SLCO6A1: variants seen among roughly 807,000 people sequenced by gnomAD.
The protein encoded by SLCO6A1 is cancer/testis antigen 48.
A neutral mutation model predicts 72.7 loss-of-function variants in SLCO6A1; 65 were observed. The observed-to-expected ratio is 0.89, with a 90% CI of 0.73 to 1.10. The LOEUF is 1.10. Among genes scored for constraint, SLCO6A1 ranks in the 50% least tolerant of loss-of-function variants. SLCO6A1 has a pLI of 0.00. For missense variants in SLCO6A1, 874 were observed against 872.6 expected, an observed-to-expected ratio of 1.00 and a Z score of -0.02; for synonymous variants, 314 against 298.2, an observed-to-expected ratio of 1.05 and a Z score of -0.55.
At chr5:102,456,785 T>G (rs976688929) in intron 6 of SLCO6A1, among the ~76,000 whole-genome samples, 2 of 151,808 alleles carry the variant, frequency 1.3e-5, no homozygotes, top group Non-Finnish European at 1.5e-5. Flanking sequence ...AAAAGAGCCC[T>G]CATTGCCAAG....
chr5:102,420,006 G>A lies in SLCO6A1; in HGVS notation c.1292C>T (p.Pro431Leu). ...ATTLAGLVLI[P>L]GGALGQLLGG... is the part of the protein sequence containing the mutation. Reference sequence around the variant, plus strand: ...CAGAAGCTGGCCAAGTGCACCTCCTGGAATTAAAACAAGTCCTAAAAAAAA... The same window carrying A: ...CAGAAGCTGGCCAAGTGCACCTCCTAGAATTAAAACAAGTCCTAAAAAAAA... Residue 431 changes from proline (P) to leucine (L), a missense_variant, in exon 8 of 14, where the codon CCA becomes CTA. Pro to Leu is a moderately conservative substitution (Grantham distance 98). Coordinates refer to ENST00000506729, the MANE Select transcript of SLCO6A1 (RefSeq NM_173488.5). The A allele has an allele frequency of 6.4e-7, 1 of 1,568,226 alleles. No individual in the cohort carries two copies. The highest frequency in any genetic ancestry group is 2.3e-5 in the East Asian group (1 of 43,554).
chr5:102,454,823 C>T (rs1235217295), intron 6 of SLCO6A1, among the ~76,000 whole-genome samples: 1 of 151,062 alleles, frequency 6.6e-6, no homozygotes, highest in African/African-American at 2.4e-5. Flanking sequence ...AATATATGTA[C>T]ATGTAATATT....
At chr5:102,491,662 G>A (rs1487112672) in intron 1 of SLCO6A1, among the ~76,000 whole-genome samples, 1 of 152,234 alleles carries the variant, frequency 6.6e-6, no homozygotes. Context: ...CTGAGCTCAC[G>A]CCCACCCAGA....
rs547463953 is a variant in SLCO6A1, at chr5:102,421,073, G to A, written c.1277-1052C>T. 5.6e-3 allele frequency among the ~76,000 whole-genome samples: 845 copies of A among 152,190 alleles called. 1 individual carries two copies. The highest frequency in any genetic ancestry group is 8.9e-3 in the Non-Finnish European group (604 of 68,002). Reference sequence around the variant, plus strand: ...TGTGAGGGACTGTGCCATGAGGGACGGTGCTATCCGGCCCAGATACTATGC... The same window carrying A: ...TGTGAGGGACTGTGCCATGAGGGACAGTGCTATCCGGCCCAGATACTATGC... On this transcript the variant is annotated intron_variant, in intron 7 of 13. Coordinates refer to ENST00000506729, the MANE Select transcript of SLCO6A1 (RefSeq NM_173488.5).
Position 102,498,651 on chromosome 5 carries a change from C to T in SLCO6A1, c.194G>A (p.Arg65Gln), listed in dbSNP as rs1267598371. The T allele has an allele frequency of 1.2e-6, 2 of 1,614,164 alleles. No homozygotes were observed. Among genetic ancestry groups the T allele is most frequent in the South Asian group, 2.2e-5 (2 of 91,086 alleles). ...TGAGGACTTGGCTTTTTTCCTTTTT[C>T]GGAAACCGCCGAACCTTATCAAGGC... Reference protein sequence around the residue: ...PEALIRFGGFRKRKKAKSSVS... With the variant: ...PEALIRFGGFQKRKKAKSSVS... Residue 65 changes from arginine (R) to glutamine (Q), a missense_variant, in exon 1 of 14, where the codon CGA becomes CAA. Physicochemically the swap from Arg to Gln is conservative, Grantham distance 43 (BLOSUM62 1). Transcript: ENST00000506729.
intron 10 of SLCO6A1, among the ~76,000 whole-genome samples, chr5:102,394,049 G>C (rs150600650): frequency 6.6e-6 from 1 of 152,136 alleles, no homozygotes; most frequent in Non-Finnish European, 1.5e-5. Flanking sequence ...AGCATCTAGC[G>C]TGCATCAAGA....
In SLCO6A1 at chr5:102,399,654, T is replaced by C; in HGVS notation, c.1715A>G (p.Asp572Gly). 2 of 1,610,206 alleles carry C rather than the reference T, an allele frequency of 1.2e-6. No individual in the cohort carries two copies. The highest frequency in any genetic ancestry group is 1.7e-6 in the Non-Finnish European group (2 of 1,177,370). ...DFIDARPGKC[D>G]AKCYKLPLFI... is the part of the protein sequence containing the mutation. ...CAAAGGTAACTTATAGCACTTTGCA[T>C]CACATTTCCCGGGTCTGGCATCAAT... Residue 572 changes from aspartate to glycine, a missense_variant, in exon 10 of 14, where the codon GAT becomes GGT. Coordinates refer to ENST00000506729, the MANE Select transcript of SLCO6A1 (RefSeq NM_173488.5).
intron 4 of SLCO6A1, among the ~76,000 whole-genome samples, chr5:102,467,620 A>C (rs534184484): frequency 3.3e-4 from 50 of 152,200 alleles, no homozygotes; most frequent in African/African-American, 1.2e-3. Flanking sequence ...GTAGGGACAC[A>C]GCCAAACCGT....
intron 10 of SLCO6A1, 84 bp from the exon 11 acceptor site, chr5:102,391,129 T>C (rs1746734514): frequency 7.4e-7 from 1 of 1,348,640 alleles, no homozygotes; most frequent in African/African-American, 1.5e-5. Context: ...CTAATCATTT[T>C]TTTTTTCTGG....
intron 11 of SLCO6A1, among the ~76,000 whole-genome samples, chr5:102,389,340 GAC>G (rs1283214726): frequency 6.6e-6 from 1 of 151,726 alleles, no homozygotes; most frequent in African/African-American, 2.4e-5. Context: ...AGATCCAGAG[GAC>G]CAGCTGTGCT....
chr5:102,411,811 T>C (rs1169343360), intron 9 of SLCO6A1, among the ~76,000 whole-genome samples: 1 of 152,184 alleles, frequency 6.6e-6, no homozygotes, highest in Non-Finnish European at 1.5e-5. Flanking sequence ...GAAATGGCCC[T>C]GCAAAGCAGT....
In SLCO6A1 at chr5:102,436,578, T is replaced by C. The variant is rs543726460; in HGVS notation, c.1276+2039A>G. Among the ~76,000 whole-genome samples, 10 of 152,278 alleles carry C rather than the reference T, an allele frequency of 6.6e-5. 1 individual carries two copies. Among genetic ancestry groups the C allele is most frequent in the Admixed American group, 6.5e-4 (10 of 15,290 alleles). ...AGGGAGTGTAATTCGCAAACCTACA[T>C]TGAAGCTGATAAGCAAGCTGTGGCA... is the stretch of plus-strand genomic sequence containing the variant. On this transcript the variant is annotated intron_variant, in intron 7 of 13. Transcript: ENST00000506729.
chr5:102,395,747 A>G (rs1221679911), intron 10 of SLCO6A1, among the ~76,000 whole-genome samples: 15 of 152,066 alleles, frequency 9.9e-5, no homozygotes, highest in Non-Finnish European at 2.2e-4. Flanking sequence ...CTGGTGTGAG[A>G]TGGTATCTCA....
At chr5:102,394,777 T>A (rs1397397325) in intron 10 of SLCO6A1, among the ~76,000 whole-genome samples, 1 of 152,064 alleles carries the variant, frequency 6.6e-6, no homozygotes, top group Non-Finnish European at 1.5e-5. Flanking sequence ...GAGATATACA[T>A]TTATAGTTAC....
chr5:102,373,445 G>A lies in SLCO6A1; in HGVS notation c.2067C>T (p.Phe689=). The A allele has an allele frequency of 6.4e-7, 1 of 1,571,466 alleles. No homozygotes were observed. Among genetic ancestry groups the A allele is most frequent in the Non-Finnish European group, 8.6e-7 (1 of 1,161,598 alleles). Residue 689 remains phenylalanine (F), a synonymous_variant, in exon 13 of 14, where the codon TTC becomes TTT. Coordinates refer to ENST00000506729, the MANE Select transcript of SLCO6A1 (RefSeq NM_173488.5). The part of the protein sequence containing the change: ...CTIIFTTIAF[F]IYKRRLNENT... ...TCTCATTTAGACGACGTTTGTATAT[G>A]AAAAATGCAATAGTAGTGAAGATGA...
At position 102,373,344 on chromosome 5, in the gene SLCO6A1, T is replaced by C. The variant is rs1381846967; in HGVS notation, c.*8A>G. 2 of 1,545,738 alleles carry C rather than the reference T, an allele frequency of 1.3e-6. No homozygotes were observed. Among genetic ancestry groups the C allele is most frequent in the East Asian group, 4.8e-5 (2 of 41,924 alleles). ...ACAATGTGTAATTCTTACACAATGA[T>C]GATCCAGTTACAAGTCAGTTTCTTC... On this transcript the variant is annotated 3_prime_UTR_variant, in exon 13 of 14. Coordinates refer to ENST00000506729, the MANE Select transcript of SLCO6A1 (RefSeq NM_173488.5).
intron 1 of SLCO6A1, among the ~76,000 whole-genome samples, chr5:102,491,951 C>A (rs1404306058): frequency 1.3e-5 from 2 of 152,240 alleles, no homozygotes; most frequent in Non-Finnish European, 2.9e-5. Flanking sequence ...CTGGGGAGGC[C>A]TCAGGGAGGC....
chr5:102,427,058 G>A (rs1014472994), intron 7 of SLCO6A1, among the ~76,000 whole-genome samples: 2 of 151,906 alleles, frequency 1.3e-5, no homozygotes, highest in Non-Finnish European at 2.9e-5. Context: ...ATAAGTGGGA[G>A]TTGAACAATG....
chr5:102,399,281 T>A (rs556629661), intron 10 of SLCO6A1, among the ~76,000 whole-genome samples: 2 of 148,548 alleles, frequency 1.3e-5, no homozygotes, highest in African/African-American at 2.5e-5. Flanking sequence ...AATATTTTTT[T>A]CCTATATTTA....
Sources: gnomAD v4.1 joint callset for allele counts (sites outside exome capture counted in the v4.1 genomes callset) on GRCh38, gnomAD v4.1.1 for gene constraint, MANE v1.5 for transcripts, NCBI Gene and HGNC (gene_info 2026-07-23, HGNC 2026-07-21) for gene names.